The following MOB3B variants were observed in gnomAD, a reference collection of about 807,000 sequenced individuals.
MOB3B encodes MOB kinase activator-like 2B.
In MOB3B, 7 loss-of-function variants were observed where a neutral mutation model predicts 18.7. The observed-to-expected ratio is 0.37, with a 90% CI of 0.21 to 0.70. The LOEUF is 0.70. Ranked by LOEUF, MOB3B falls within the 30% of genes least tolerant of loss-of-function variation. The probability of loss-of-function intolerance (pLI) is 0.52; values close to 1 mark genes in which losing one functional copy is unlikely to be tolerated. For synonymous variants in MOB3B, 111 were observed against 99.9 expected (o/e 1.11, Z -0.66); for missense variants, 253 against 281.3 (o/e 0.90, Z 0.72).
chr9:27,393,548 C>G (rs1021151616), intron 2 of MOB3B, among the ~76,000 whole-genome samples: 1 of 152,010 alleles, frequency 6.6e-6, no homozygotes, highest in African/African-American at 2.4e-5. Flanking sequence ...AATGGTAGAC[C>G]TGGGTGGAGG....
chr9:27,342,736 G>A (rs372924763), intron 3 of MOB3B, among the ~76,000 whole-genome samples: 167 of 152,228 alleles, frequency 1.1e-3, no homozygotes, highest in South Asian at 2.9e-3. Context: ...CCGAGGTGCC[G>A]GGATTGCAGA....
intron 1 of MOB3B, among the ~76,000 whole-genome samples, chr9:27,481,515 T>TG (rs1167454508): frequency 1.8e-4 from 24 of 135,834 alleles, no homozygotes; most frequent in African/African-American, 6.1e-4. Flanking sequence ...TTTTTTGTTT[T>TG]TTTTGTTTTT....
rs35317203 is a variant in MOB3B at position 27,511,216 on chromosome 9, CAAAA to C, written c.-199+18335_-199+18338del. ...TTAGGTAAAACATTTTCATCTTTGA[CAAAA>C]AAAAAAAGAAAGAAAGAAAAACATG... On this transcript the variant is annotated intron_variant, in intron 1 of 3. Coordinates refer to ENST00000262244, the MANE Select transcript of MOB3B (RefSeq NM_024761.5). Among the ~76,000 whole-genome samples the C allele has an allele frequency of 3.4e-5, 5 of 145,892 alleles. No individual in the cohort carries two copies. The South Asian group carries it at 1.1e-3, about 31-fold the overall frequency.
intron 2 of MOB3B, among the ~76,000 whole-genome samples, chr9:27,390,954 T>C (rs972738576): frequency 6.6e-5 from 10 of 152,212 alleles, no homozygotes; most frequent in Non-Finnish European, 1.3e-4. Context: ...CTGACCATGC[T>C]GGCATCCTGA....
chr9:27,520,410 C>T (rs757194664), intron 1 of MOB3B, among the ~76,000 whole-genome samples: 1 of 152,190 alleles, frequency 6.6e-6, no homozygotes, highest in Non-Finnish European at 1.5e-5. Flanking sequence ...CAGTGCATAG[C>T]CTACTGATGA....
At chr9:27,406,746 G>T (rs184607103) in intron 2 of MOB3B, among the ~76,000 whole-genome samples, 1 of 152,144 alleles carries the variant, frequency 6.6e-6, no homozygotes, top group African/African-American at 2.4e-5. Flanking sequence ...AATCAAAATG[G>T]ATTAAAGACT....
intron 1 of MOB3B, chr9:27,524,342 C>T: frequency 6.2e-7 from 1 of 1,608,878 alleles, no homozygotes. Context: ...AAAAAATGAG[C>T]ACCAAACCTG....
intron 1 of MOB3B, among the ~76,000 whole-genome samples, chr9:27,489,206 C>T (rs895020): frequency 0.93 from 141,954 of 152,292 alleles, 66,753 homozygotes; most frequent in East Asian, 1. Context: ...TCCGTCTTTC[C>T]CTTTCACTTG....
At chr9:27,504,387 C>A (rs570319382) in intron 1 of MOB3B, among the ~76,000 whole-genome samples, 1 of 152,292 alleles carries the variant, frequency 6.6e-6, no homozygotes, top group South Asian at 2.1e-4. Flanking sequence ...ATTTCAGTTA[C>A]CACAAGATAT....
At chr9:27,424,804 C>A (rs1303459538) in intron 2 of MOB3B, among the ~76,000 whole-genome samples, 1 of 152,138 alleles carries the variant, frequency 6.6e-6, no homozygotes, top group Non-Finnish European at 1.5e-5. Flanking sequence ...CAGATTAGAA[C>A]ACAAGAGTTA....
intron 2 of MOB3B, among the ~76,000 whole-genome samples, chr9:27,379,421 G>T (rs528472438): frequency 2.0e-5 from 3 of 152,182 alleles, no homozygotes; most frequent in East Asian, 1.9e-4. Flanking sequence ...AATTACTGAG[G>T]GTTTACTCTG....
At chr9:27,461,073 G>T (rs1221208394) in intron 1 of MOB3B, among the ~76,000 whole-genome samples, 1 of 152,146 alleles carries the variant, frequency 6.6e-6, no homozygotes. Flanking sequence ...CCATTCCTCT[G>T]TGTTATCTGA....
chr9:27,462,127 A>C (rs7023631), intron 1 of MOB3B, among the ~76,000 whole-genome samples: 96,983 of 152,060 alleles, frequency 0.64, 31,322 homozygotes, highest in African/African-American at 0.7. Context: ...AATAAATAGT[A>C]AAGTAAAATT....
intron 1 of MOB3B, among the ~76,000 whole-genome samples, chr9:27,460,475 T>C (rs556506535): frequency 6.6e-6 from 1 of 152,338 alleles, no homozygotes; most frequent in Non-Finnish European, 1.5e-5. Flanking sequence ...TATTGATGTC[T>C]TTTGCCTCAT....
chr9:27,443,969 A>G (rs1242853744), intron 2 of MOB3B, among the ~76,000 whole-genome samples: 1 of 152,054 alleles, frequency 6.6e-6, no homozygotes, highest in Non-Finnish European at 1.5e-5. Context: ...AGATATCATA[A>G]TCAACCACAG....
At chr9:27,382,906 G>A (rs926888693) in intron 2 of MOB3B, among the ~76,000 whole-genome samples, 3 of 151,954 alleles carry the variant, frequency 2.0e-5, no homozygotes, top group Non-Finnish European at 2.9e-5. Flanking sequence ...AGTGCTATGC[G>A]GTCTTTATGT....
intron 1 of MOB3B, among the ~76,000 whole-genome samples, chr9:27,470,041 C>T (rs1193046744): frequency 2.7e-5 from 4 of 149,064 alleles, no homozygotes; most frequent in African/African-American, 5.0e-5. Context: ...CCTAGGAGTT[C>T]GAGGCCACAA....
Position 27,529,645 on chromosome 9 carries a change from A to G in MOB3B, c.-289T>C, listed in dbSNP as rs745714885. 3 of 985,360 alleles carry G rather than the reference A, an allele frequency of 3.0e-6. No individual in the cohort carries two copies. Among genetic ancestry groups the G allele is most frequent in the Non-Finnish European group, 3.6e-6 (3 of 829,990 alleles). The allele number at this position is 985,360 out of a possible 1,614,324, so 61.0% of individuals were successfully genotyped here. ...CGAAAGAAAATGGTGAGCTCGGGGC[A>G]GGTGGGGCGTCGCTTGCCAATCCAC... On this transcript the variant is annotated 5_prime_UTR_variant, in exon 1 of 4. Transcript: ENST00000262244.
chr9:27,476,993 C>G (rs1236221886), intron 1 of MOB3B, among the ~76,000 whole-genome samples: 1 of 152,150 alleles, frequency 6.6e-6, no homozygotes, highest in Non-Finnish European at 1.5e-5. Flanking sequence ...CACCCTCCTC[C>G]CTCCCGTCTT....
Sources: gnomAD v4.1 joint callset for allele counts (sites outside exome capture counted in the v4.1 genomes callset) on GRCh38, gnomAD v4.1.1 for gene constraint, MANE v1.5 for transcripts, NCBI Gene and HGNC (gene_info 2026-07-23, HGNC 2026-07-21) for gene names.